PDE4D: variants seen among roughly 807,000 people sequenced by gnomAD.
PDE4D encodes phosphodiesterase 4D.
In PDE4D, 24 loss-of-function variants were observed where a neutral mutation model predicts 87.4. That is an observed-to-expected ratio of 0.27 (90% CI 0.20 to 0.39). PDE4D has a LOEUF of 0.39. Among genes scored for constraint, PDE4D ranks in the 10% least tolerant of loss-of-function variants. The probability of loss-of-function intolerance (pLI) is 1.00; values close to 1 mark genes in which losing one functional copy is unlikely to be tolerated. For missense variants in PDE4D, 714 were observed against 1,041.0 expected, an observed-to-expected ratio of 0.69 and a Z score of 4.32; for synonymous variants, 384 against 383.2, an observed-to-expected ratio of 1.00 and a Z score of -0.02.
At chr5:59,038,521 T>C (rs1443116137) in intron 6 of PDE4D, among the ~76,000 whole-genome samples, 1 of 152,202 alleles carries the variant, frequency 6.6e-6, no homozygotes, top group Non-Finnish European at 1.5e-5. Flanking sequence ...CCACCAATTC[T>C]TATTTTCAAC....
At chr5:58,999,649 T>C (rs1175086325) in intron 6 of PDE4D, 8 of 1,145,152 alleles carry the variant, frequency 7.0e-6, no homozygotes, top group South Asian at 3.7e-5. Context: ...ACGCAGAGTA[T>C]GAGTTTTTAA....
At chr5:59,697,461 C>T (rs1056431067) in intron 1 of PDE4D, among the ~76,000 whole-genome samples, 7 of 152,092 alleles carry the variant, frequency 4.6e-5, no homozygotes, top group Non-Finnish European at 2.9e-5. Context: ...TTTCTATGTT[C>T]TATGTACTAC....
At chr5:60,279,330 A>G (rs1368470418) in intron 1 of PDE4D, among the ~76,000 whole-genome samples, 3 of 152,214 alleles carry the variant, frequency 2.0e-5, no homozygotes, top group African/African-American at 7.2e-5. Flanking sequence ...TTGGAAGTCC[A>G]GAATTACCAT....
intron 1 of PDE4D, among the ~76,000 whole-genome samples, chr5:59,492,877 GCT>G (rs972467800): frequency 1.3e-5 from 2 of 152,126 alleles, no homozygotes; most frequent in Non-Finnish European, 2.9e-5. Flanking sequence ...CCCTGCACAA[GCT>G]CTCTCTTTTT....
intron 1 of PDE4D, among the ~76,000 whole-genome samples, chr5:59,670,357 G>A (rs1746982952): frequency 6.6e-6 from 1 of 152,106 alleles, no homozygotes; most frequent in Non-Finnish European, 1.5e-5. Flanking sequence ...AATGCAAAAT[G>A]TTCCACAATC....
intron 1 of PDE4D, among the ~76,000 whole-genome samples, chr5:59,255,029 T>C (rs1760704503): frequency 2.6e-5 from 4 of 152,098 alleles, no homozygotes; most frequent in Admixed American, 2.6e-4. Flanking sequence ...AACTTAGAGC[T>C]ACCATTTGTC....
At chr5:60,059,165 CT>C in intron 2 of PDE4D, among the ~76,000 whole-genome samples, 1 of 151,624 alleles carries the variant, frequency 6.6e-6, no homozygotes, top group Admixed American at 6.6e-5. Flanking sequence ...CCAAAACACA[CT>C]GGAGATTTTC....
intron 3 of PDE4D, among the ~76,000 whole-genome samples, chr5:59,917,305 C>CTCTA (rs1754173587): frequency 6.6e-6 from 1 of 152,098 alleles, no homozygotes; most frequent in Non-Finnish European, 1.5e-5. Context: ...CCAAGCTGAA[C>CTCTA]TCTAACCATC....
chr5:59,673,874 A>G (rs1353376174), intron 1 of PDE4D, among the ~76,000 whole-genome samples: 5 of 152,168 alleles, frequency 3.3e-5, no homozygotes, highest in African/African-American at 1.2e-4. Context: ...TTTTAACTTC[A>G]ACTTACCATT....
chr5:59,058,535 T>G (rs1580569620), intron 5 of PDE4D, among the ~76,000 whole-genome samples: 1 of 152,334 alleles, frequency 6.6e-6, no homozygotes, highest in East Asian at 1.9e-4. Flanking sequence ...ATGAATAGCA[T>G]TGCCTTTCAT....
chr5:59,708,478 G>A (rs1006785624), intron 1 of PDE4D, among the ~76,000 whole-genome samples: 1 of 152,164 alleles, frequency 6.6e-6, no homozygotes, highest in Non-Finnish European at 1.5e-5. Context: ...GATCTTCCAT[G>A]TAAGACGCTT....
intron 2 of PDE4D, among the ~76,000 whole-genome samples, chr5:60,017,468 C>A (rs960502276): frequency 2.4e-4 from 37 of 152,052 alleles, no homozygotes; most frequent in Non-Finnish European, 4.4e-4. Context: ...CCTGAATGGG[C>A]CCCAGTGTGT....
chr5:59,975,876 G>T (rs973571433), intron 3 of PDE4D, among the ~76,000 whole-genome samples: 8 of 152,270 alleles, frequency 5.3e-5, no homozygotes, highest in African/African-American at 1.9e-4. Context: ...CTCAGGTTAG[G>T]TGTTAGTTCC....
intron 1 of PDE4D, among the ~76,000 whole-genome samples, chr5:59,379,601 G>A (rs1354071982): frequency 6.6e-6 from 1 of 151,878 alleles, no homozygotes; most frequent in African/African-American, 2.4e-5. Context: ...ATCACTTAAT[G>A]TCATTTGAAA....
intron 1 of PDE4D, among the ~76,000 whole-genome samples, chr5:60,456,339 A>G (rs1371844216): frequency 6.6e-6 from 1 of 152,238 alleles, no homozygotes; most frequent in Non-Finnish European, 1.5e-5. Context: ...ACACGAGGCA[A>G]GAGCCTCTTT....
At chr5:60,337,354 T>A (rs191642535) in intron 1 of PDE4D, among the ~76,000 whole-genome samples, 5,041 of 66,382 alleles carry the variant, frequency 0.076, 409 homozygotes, top group African/African-American at 0.32. Flanking sequence ...AAACAAACTA[T>A]ATATATATAT....
At chr5:59,983,812 T>TAAATAAATAA in intron 3 of PDE4D, among the ~76,000 whole-genome samples, 1 of 152,264 alleles carries the variant, frequency 6.6e-6, no homozygotes, top group East Asian at 1.9e-4. Flanking sequence ...TGAAAATAAA[T>TAAATAAATAA]ATTTGCCTCC....
chr5:60,458,776 T>C (rs1291887517), intron 1 of PDE4D, among the ~76,000 whole-genome samples: 2 of 152,154 alleles, frequency 1.3e-5, no homozygotes, highest in African/African-American at 2.4e-5. Flanking sequence ...TGGATACTTA[T>C]GCTGCAATCC....
chr5:60,220,013 TAGTTC>T (rs1461753369), intron 1 of PDE4D, among the ~76,000 whole-genome samples: 1 of 152,184 alleles, frequency 6.6e-6, no homozygotes, highest in Non-Finnish European at 1.5e-5. Context: ...TGGACTAGTA[TAGTTC>T]ACATGTCAGA....
Sources: allele counts gnomAD v4.1 joint callset (sites outside exome capture counted in the v4.1 genomes callset), GRCh38; gene constraint gnomAD v4.1.1; transcripts MANE v1.5; gene names NCBI Gene and HGNC (gene_info 2026-07-23, HGNC 2026-07-21).